ENTREP2: variants seen among roughly 807,000 people sequenced by gnomAD.
The protein encoded by ENTREP2 is protein ENTREP2.
the ENTREP2 span, among the ~76,000 whole-genome samples, chr15:29,262,081 A>G: frequency 9.7e-5 from 9 of 93,256 alleles, no homozygotes; most frequent in African/African-American, 4.2e-4. Flanking sequence ...ATGGCTCCAG[A>G]AAAAAAAAAA....
At chr15:29,269,165 T>G in the ENTREP2 span, 1 of 1,614,122 alleles carries the variant, frequency 6.2e-7, no homozygotes, top group Non-Finnish European at 8.5e-7. Flanking sequence ...CCTAAGACGA[T>G]CATCAGGAGG....
the ENTREP2 span, among the ~76,000 whole-genome samples, chr15:29,664,812 C>T: frequency 3.3e-5 from 5 of 152,144 alleles, no homozygotes; most frequent in African/African-American, 7.2e-5. Flanking sequence ...CAAACTTCTG[C>T]CTTTTCTGTT....
At chr15:29,159,570 T>C in the ENTREP2 span, among the ~76,000 whole-genome samples, 2 of 152,208 alleles carry the variant, frequency 1.3e-5, no homozygotes, top group East Asian at 3.8e-4. Context: ...TTGGTCCGTT[T>C]TGACAGGGTG....
the ENTREP2 span, among the ~76,000 whole-genome samples, chr15:29,407,122 T>C: frequency 6.6e-6 from 1 of 152,194 alleles, no homozygotes; most frequent in East Asian, 1.9e-4. Context: ...CAGAATGCAC[T>C]TACACAAACC....
the ENTREP2 span, among the ~76,000 whole-genome samples, chr15:29,652,815 T>TCC: frequency 6.6e-6 from 1 of 152,178 alleles, no homozygotes; most frequent in South Asian, 2.1e-4. Context: ...ACCTTGCCAC[T>TCC]CCACGCCTGG....
At chr15:29,293,473 G>A in the ENTREP2 span, among the ~76,000 whole-genome samples, 3 of 151,660 alleles carry the variant, frequency 2.0e-5, no homozygotes, top group African/African-American at 7.3e-5. Context: ...AGCCAGGATG[G>A]TCTCGATCTC....
At chr15:29,646,508 T>A in the ENTREP2 span, among the ~76,000 whole-genome samples, 1 of 152,150 alleles carries the variant, frequency 6.6e-6, no homozygotes, top group Non-Finnish European at 1.5e-5. Context: ...GCACTTCAGT[T>A]CCTTCTTGTG....
the ENTREP2 span, among the ~76,000 whole-genome samples, chr15:29,627,119 G>A: frequency 3.9e-5 from 6 of 152,024 alleles, no homozygotes; most frequent in Admixed American, 2.6e-4. Flanking sequence ...CCTCTGTGCA[G>A]TGCTTTAGCT....
At chr15:29,612,699 G>T in the ENTREP2 span, 1 of 154,894 alleles carries the variant, frequency 6.5e-6, no homozygotes, top group East Asian at 1.8e-4. Context: ...ATCTGTAGCT[G>T]GACCACATCT....
At chr15:29,539,058 C>G in the ENTREP2 span, among the ~76,000 whole-genome samples, 1 of 152,150 alleles carries the variant, frequency 6.6e-6, no homozygotes, top group Non-Finnish European at 1.5e-5. Flanking sequence ...CTGGATATGA[C>G]AAGGGGTGGT....
chr15:29,394,864 T>C, the ENTREP2 span, among the ~76,000 whole-genome samples: 1 of 149,044 alleles, frequency 6.7e-6, no homozygotes, highest in African/African-American at 2.5e-5. Flanking sequence ...CATCCATATG[T>C]AGCATGTGTC....
At chr15:29,360,223 C>T in the ENTREP2 span, among the ~76,000 whole-genome samples, 1 of 152,164 alleles carries the variant, frequency 6.6e-6, no homozygotes, top group African/African-American at 2.4e-5. Flanking sequence ...ATCTTTATAA[C>T]GGTAATTGCC....
the ENTREP2 span, among the ~76,000 whole-genome samples, chr15:29,629,608 G>T: frequency 3.3e-5 from 5 of 151,836 alleles, no homozygotes. Flanking sequence ...TTTAAATATC[G>T]TTTTAAGTAC....
At chr15:29,485,581 C>T in the ENTREP2 span, among the ~76,000 whole-genome samples, 2 of 152,090 alleles carry the variant, frequency 1.3e-5, no homozygotes, top group Admixed American at 1.3e-4. Flanking sequence ...CGGTAGAGTG[C>T]CAAAACCATG....
chr15:29,323,493 T>C, the ENTREP2 span, among the ~76,000 whole-genome samples: 299 of 152,246 alleles, frequency 2.0e-3, 2 homozygotes, highest in African/African-American at 7.0e-3. Context: ...CTTTCTAATA[T>C]CCTTTATAAC....
the ENTREP2 span, among the ~76,000 whole-genome samples, chr15:29,192,031 T>G: frequency 2.6e-5 from 4 of 152,174 alleles, no homozygotes; most frequent in African/African-American, 7.2e-5. Flanking sequence ...TGCCAATTAC[T>G]GTGCCAGTGG....
the ENTREP2 span, among the ~76,000 whole-genome samples, chr15:29,486,508 T>C: frequency 1.1e-4 from 16 of 152,256 alleles, no homozygotes; most frequent in African/African-American, 3.8e-4. Flanking sequence ...CTGGCCAACA[T>C]GGTGAAACCC....
At chr15:29,277,709 C>A in the ENTREP2 span, among the ~76,000 whole-genome samples, 1 of 152,148 alleles carries the variant, frequency 6.6e-6, no homozygotes, top group Non-Finnish European at 1.5e-5. Context: ...GTTTGGGAAC[C>A]CCTGCCTTAA....
chr15:29,375,407 C>T, the ENTREP2 span: 1 of 152,318 alleles, frequency 6.6e-6, no homozygotes, highest in East Asian at 1.9e-4. Flanking sequence ...CCAGAACCCT[C>T]TACTTGAGTA....
Sources: allele counts gnomAD v4.1 joint callset (sites outside exome capture counted in the v4.1 genomes callset), GRCh38; gene constraint gnomAD v4.1.1; transcripts MANE v1.5; gene names NCBI Gene and HGNC (gene_info 2026-07-23, HGNC 2026-07-21).